The following UCP2 variants were observed in gnomAD, a reference collection of about 807,000 sequenced individuals.
UCP2 encodes the protein uncoupling protein 2.
A neutral mutation model predicts 31.3 loss-of-function variants in UCP2; 27 were observed. The observed-to-expected ratio is 0.86, with a 90% CI of 0.64 to 1.19. UCP2 has a LOEUF of 1.19. Ranked by LOEUF, UCP2 falls within the 50% of genes most tolerant of loss-of-function variation. The pLI is 0.00. For synonymous variants in UCP2, 142 were observed against 157.4 expected (o/e 0.90, Z 0.73); for missense variants, 377 against 413.5 (o/e 0.91, Z 0.76).
chr11:73,979,763 A>G (rs1368948347), intron 2 of UCP2, among the ~76,000 whole-genome samples: 2 of 151,220 alleles, frequency 1.3e-5, no homozygotes, highest in African/African-American at 4.9e-5. Context: ...GGCTGCAGTG[A>G]GCTGTGATTG....
At chr11:73,982,173 G>T (rs912298736) in intron 1 of UCP2, among the ~76,000 whole-genome samples, 1 of 152,244 alleles carries the variant, frequency 6.6e-6, no homozygotes, top group African/African-American at 2.4e-5. Flanking sequence ...GCTCGGCATC[G>T]TGGTGGAAAG....
chr11:73,982,869 G>T (rs576326835), upstream of UCP2: 1 of 150,930 alleles, frequency 6.6e-6, no homozygotes, highest in South Asian at 2.0e-4. Context: ...CGGCGGCGCG[G>T]CTTAAGCCTC....
In UCP2 at chr11:73,975,658, GCAAGGGAGGTCATCTGC is replaced by G. The variant is rs766794441; in HGVS notation, c.635-4_647del. ...CTGCCCCAAAGGCAGAAGTGAAGTG[GCAAGGGAGGTCATCTGC>G]CAAGGAGGAGCAGGCAAGGCAGTCA... On this transcript the variant is annotated splice_acceptor_variant and splice_polypyrimidine_tract_variant and coding_sequence_variant and intron_variant, in exon 7 of 8. Coordinates refer to ENST00000663595, the MANE Select transcript of UCP2 (RefSeq NM_003355.3). LOFTEE classifies it high-confidence loss of function. The G allele has an allele frequency of 1.7e-4, 279 of 1,614,124 alleles. No homozygotes were observed. Among genetic ancestry groups the G allele is most frequent in the Non-Finnish European group, 2.2e-4 (264 of 1,180,054 alleles).
At chr11:73,978,178 G>A (rs756328495) in intron 3 of UCP2, 75 bp downstream of exon 3, 15 of 1,613,620 alleles carry the variant, frequency 9.3e-6, no homozygotes, top group Non-Finnish European at 1.3e-5. Flanking sequence ...CCAAACACTG[G>A]CCCTTGAGGG....
At position 73,976,694 on chromosome 11, in the gene UCP2, A is replaced by C. The variant is rs1196301334; in HGVS notation, c.581T>G (p.Leu194Arg). 6.2e-7 allele frequency: 1 copy of C among 1,614,204 alleles called. No homozygotes were observed. Among genetic ancestry groups the C allele is most frequent in the South Asian group, 1.1e-5 (1 of 91,086 alleles). The change falls in exon 6 of 8, where the codon CTG (leucine) becomes CGG (arginine). Residue 194 changes from leucine (L) to arginine (R), a missense_variant. By Grantham distance (102) the Leu-to-Arg change is moderately radical (BLOSUM62 -2). Transcript: ENST00000663595. ...ATCCTTGATGAGGTCATAGGTCACC[A>C]GCTCAGCACAGTTGACAATGGCATT... ...ARNAIVNCAE[L>R]VTYDLIKDAL...
In UCP2 at chr11:73,974,760, C is replaced by G. The variant is rs1268845176; in HGVS notation, c.*247G>C. 1 of 374,282 alleles carries G rather than the reference C, an allele frequency of 2.7e-6. No individual in the cohort carries two copies. The highest frequency in any genetic ancestry group is 2.3e-5 in the African/African-American group (1 of 43,356). 23.2% of individuals were successfully genotyped at this position (374,282 alleles called of 1,614,324 possible). On this transcript the variant is annotated 3_prime_UTR_variant, in exon 8 of 8. Transcript: ENST00000663595. ...GATTCTGGCTGAACTTTCCAAGGGA[C>G]GGGACGCTTGGGATCCTGGCTGGTA...
rs1243785261 is a variant in UCP2, at chr11:73,974,901, GAGGGAAGGAGAGA to G, written c.*93_*105del. On this transcript the variant is annotated 3_prime_UTR_variant, in exon 8 of 8. Coordinates refer to ENST00000663595, the MANE Select transcript of UCP2 (RefSeq NM_003355.3). Reference sequence around the variant, plus strand: ...GGAGCGGAAGGAAGAGGTGGGGAAAGAGGGAAGGAGAGAAGGGAAGGAGGGAAGAGAAAGAAGG... The same window carrying G: ...GGAGCGGAAGGAAGAGGTGGGGAAAGAGGGAAGGAGGGAAGAGAAAGAAGG... 86 of 951,778 alleles carry G rather than the reference GAGGGAAGGAGAGA, an allele frequency of 9.0e-5. No individual in the cohort carries two copies. The highest frequency in any genetic ancestry group is 6.6e-4 in the East Asian group (25 of 38,128). 59.0% of individuals were successfully genotyped at this position (951,778 alleles called of 1,614,324 possible). A position where few individuals can be genotyped will look rare whatever the true frequency, so the allele number is the denominator to read the frequency against.
chr11:73,980,177 C>T (rs1252004294), intron 2 of UCP2: 1 of 152,242 alleles, frequency 6.6e-6, no homozygotes, highest in Non-Finnish European at 1.5e-5. Flanking sequence ...CTGCTTCTTC[C>T]CCTGAGCTTA....
chr11:73,976,704 A>T lies in UCP2; in HGVS notation c.571T>A (p.Cys191Ser). 3.7e-6 allele frequency: 6 copies of T among 1,614,224 alleles called. No individual in the cohort carries two copies. Among genetic ancestry groups the T allele is most frequent in the Non-Finnish European group, 5.1e-6 (6 of 1,180,034 alleles). ...AGGTCATAGGTCACCAGCTCAGCAC[A>T]GTTGACAATGGCATTACGAGCAACA... ...PNVARNAIVN[C>S]AELVTYDLIK... Residue 191 changes from cysteine (C) to serine (S), a missense_variant, in exon 6 of 8, where the codon TGT becomes AGT. By Grantham distance (112) the Cys-to-Ser change is moderately radical. Coordinates refer to ENST00000663595, the MANE Select transcript of UCP2 (RefSeq NM_003355.3).
In UCP2 at chr11:73,976,877, C is replaced by T. The variant is rs144885917; in HGVS notation, c.478G>A (p.Val160Ile). Residue 160 changes from valine to isoleucine, a missense_variant, in exon 5 of 8, where the codon GTC (valine) becomes ATC (isoleucine). Coordinates refer to ENST00000663595, the MANE Select transcript of UCP2 (RefSeq NM_003355.3). ...AGGGRRYQST[V>I]NAYKTIAREE... ...CGGGCAATGGTCTTGTAGGCATTGA[C>T]GGTGCTTTGGTATCTCCGACCACCT... is the stretch of plus-strand genomic sequence containing the variant. The T allele has an allele frequency of 1.2e-5, 20 of 1,614,102 alleles. No individual in the cohort carries two copies. The highest frequency in any genetic ancestry group is 4.5e-5 in the East Asian group (2 of 44,896).
chr11:73,982,536 C>A (rs1253776871), intron 1 of UCP2, among the ~76,000 whole-genome samples, 185 bp downstream of exon 1: 2 of 152,232 alleles, frequency 1.3e-5, no homozygotes, highest in Non-Finnish European at 2.9e-5. Context: ...GATCGCGCCA[C>A]TGCACTCCAG....
intron 2 of UCP2, chr11:73,980,778 T>C (rs935356307): frequency 6.6e-6 from 1 of 152,224 alleles, no homozygotes; most frequent in Non-Finnish European, 1.5e-5. Flanking sequence ...ACAAGGAAAG[T>C]TCTCACAGGC....
In UCP2 at chr11:73,974,929, GA is replaced by G; in HGVS notation, c.*77del. 1 of 859,070 alleles carries G rather than the reference GA, an allele frequency of 1.2e-6. No individual in the cohort carries two copies. The highest frequency in any genetic ancestry group is 1.7e-6 in the Non-Finnish European group (1 of 580,070). 53.2% of individuals were successfully genotyped at this position (859,070 alleles called of 1,614,324 possible). A position where few individuals can be genotyped will look rare whatever the true frequency, so the allele number is the denominator to read the frequency against. ...GGAAGGAGAGAAGGGAAGGAGGGAAGAGAAAGAAGGAAGAAAAGGAAAGCAT... is the reference window on the plus strand; with the variant it reads ...GGAAGGAGAGAAGGGAAGGAGGGAAGGAAAGAAGGAAGAAAAGGAAAGCAT... On this transcript the variant is annotated 3_prime_UTR_variant, in exon 8 of 8. Coordinates refer to ENST00000663595, the MANE Select transcript of UCP2 (RefSeq NM_003355.3).
chr11:73,982,003 G>A (rs1951464360), intron 1 of UCP2, among the ~76,000 whole-genome samples: 1 of 152,156 alleles, frequency 6.6e-6, no homozygotes, highest in African/African-American at 2.4e-5. Flanking sequence ...GAGGTTGGAA[G>A]GGCTGGGAGC....
intron 6 of UCP2, among the ~76,000 whole-genome samples, chr11:73,976,431 C>A (rs954202614): frequency 7.2e-5 from 11 of 152,214 alleles, no homozygotes; most frequent in African/African-American, 2.7e-4. Context: ...CTGAAAGAGT[C>A]ATTTTGCCAA....
Position 73,978,364 on chromosome 11 carries a change from C to T in UCP2, c.15G>A (p.Lys5=), listed in dbSNP as rs1951398254. Residue 5 remains lysine, a synonymous_variant, in exon 3 of 8, where the codon AAG becomes AAA. Transcript: ENST00000663595. The part of the protein sequence containing the change: MVGF[K]ATDVPPTATV... The stretch of plus-strand genomic sequence containing the variant: ...TGGCAGTAGGGGGCACATCTGTGGC[C>T]TTGAACCCAACCATGATGCTGATTT... 1 of 1,614,192 alleles carries T rather than the reference C, an allele frequency of 6.2e-7. No homozygotes were observed.
At chr11:73,975,841 A>G (rs1951335176) in intron 6 of UCP2, among the ~76,000 whole-genome samples, 170 bp from the exon 7 acceptor site, 2 of 152,182 alleles carry the variant, frequency 1.3e-5, no homozygotes, top group Admixed American at 1.3e-4. Context: ...AGGTGGGTGG[A>G]TCACTTGAGC....
chr11:73,982,623 A>T (rs1951478422), intron 1 of UCP2, 98 bp downstream of exon 1: 1 of 152,540 alleles, frequency 6.6e-6, no homozygotes, highest in Admixed American at 6.5e-5. Context: ...AGAAAAGAGT[A>T]CAAACTTGGG....
At position 73,975,562 on chromosome 11, in the gene UCP2, G is replaced by C. The variant is rs1208123436; in HGVS notation, c.744C>G (p.Gly248=). 4.3e-6 allele frequency: 7 copies of C among 1,614,006 alleles called. No homozygotes were observed. Among genetic ancestry groups the C allele is most frequent in the Non-Finnish European group, 5.9e-6 (7 of 1,180,038 alleles). The change falls in exon 7 of 8, where the codon GGC becomes GGG. Residue 248 remains glycine, a synonymous_variant. Transcript: ENST00000663595. ...VKTRYMNSAL[G]QYSSAGHCAL... ...CACAGTGGCCAGCGCTACTGTACTG[G>C]CCCAGGGCAGAGTTCATGTATCTCG...
Sources: gnomAD v4.1 joint callset for allele counts (sites outside exome capture counted in the v4.1 genomes callset) on GRCh38, gnomAD v4.1.1 for gene constraint, MANE v1.5 for transcripts, NCBI Gene and HGNC (gene_info 2026-07-23, HGNC 2026-07-21) for gene names.